TRPS1: variants seen among roughly 807,000 people sequenced by gnomAD.
The protein encoded by TRPS1 is transcriptional repressor GATA binding 1.
In TRPS1, 6 loss-of-function variants were observed where a neutral mutation model predicts 101.2. The observed-to-expected ratio is 0.06, with a 90% confidence interval of 0.03 to 0.12. The LOEUF is 0.12. TRPS1 is among the 10% of genes least tolerant of loss of function. The probability of loss-of-function intolerance (pLI) is 1.00; values close to 1 mark genes in which losing one functional copy is unlikely to be tolerated. For synonymous variants in TRPS1, 578 were observed against 589.8 expected (o/e 0.98, Z 0.29); for missense variants, 1,363 against 1,567.0 (o/e 0.87, Z 2.20).
At chr8:115,495,111 C>A (rs1815116468) in intron 5 of TRPS1, among the ~76,000 whole-genome samples, 1 of 152,044 alleles carries the variant, frequency 6.6e-6, no homozygotes, top group African/African-American at 2.4e-5. Flanking sequence ...GAGGATGTAC[C>A]ATGGCTACTT....
Position 115,476,005 on chromosome 8 carries a change from CTTTTTTTTTTTTTTT to C in TRPS1, c.2701-57568_2701-57554del, listed in dbSNP as rs1169514340. Among the ~76,000 whole-genome samples, 3 of 40,670 alleles carry C rather than the reference CTTTTTTTTTTTTTTT, an allele frequency of 7.4e-5. 1 individual carries two copies. The highest frequency in any genetic ancestry group is 4.8e-4 in the African/African-American group (2 of 4,132). 26.7% of individuals were successfully genotyped at this position (40,670 alleles called of 152,430 possible). ...AAGAGGTGTTCAGAAAATATACTTT[CTTTTTTTTTTTTTTT>C]TTTTTTTTTTTTTTTTGAGACGGAG... On this transcript the variant is annotated intron_variant, in intron 5 of 6. Coordinates refer to ENST00000395715, the MANE Select transcript of TRPS1 (RefSeq NM_014112.5).
intron 5 of TRPS1, among the ~76,000 whole-genome samples, chr8:115,548,272 G>A (rs1816624427): frequency 6.6e-6 from 1 of 151,926 alleles, no homozygotes; most frequent in Non-Finnish European, 1.5e-5. Context: ...AAGAAATCAA[G>A]TTTTAATTGT....
At chr8:115,614,296 C>T (rs1818232488) in intron 3 of TRPS1, among the ~76,000 whole-genome samples, 1 of 152,200 alleles carries the variant, frequency 6.6e-6, no homozygotes, top group Non-Finnish European at 1.5e-5. Context: ...TTCTCCTAAA[C>T]ATTCTGCATA....
intron 3 of TRPS1, among the ~76,000 whole-genome samples, chr8:115,605,652 T>C (rs531035603): frequency 6.6e-6 from 1 of 152,308 alleles, no homozygotes; most frequent in East Asian, 1.9e-4. Context: ...TTTTGAATGT[T>C]TCCCCATCTA....
intron 5 of TRPS1, among the ~76,000 whole-genome samples, chr8:115,494,974 T>A (rs1482078919): frequency 1.3e-5 from 2 of 152,244 alleles, no homozygotes; most frequent in Admixed American, 6.5e-5. Context: ...GACACAGCAG[T>A]GTATCTGATG....
chr8:115,667,859 G>T, intron 1 of TRPS1: 1 of 1,535,456 alleles, frequency 6.5e-7, no homozygotes, highest in South Asian at 1.2e-5. Context: ...ACCCTCCCGA[G>T]TTCGCCCAAC....
chr8:115,553,017 C>T (rs1816737950), intron 5 of TRPS1, among the ~76,000 whole-genome samples: 1 of 151,950 alleles, frequency 6.6e-6, no homozygotes, highest in African/African-American at 2.4e-5. Context: ...GATAAGGTGT[C>T]CAAGAGAATA....
chr8:115,507,916 T>C (rs1052956783), intron 5 of TRPS1, among the ~76,000 whole-genome samples: 8 of 152,074 alleles, frequency 5.3e-5, no homozygotes, highest in Non-Finnish European at 1.2e-4. Flanking sequence ...ATGATTGGTG[T>C]GCAGAGAAGA....
intron 1 of TRPS1, among the ~76,000 whole-genome samples, chr8:115,639,007 T>C (rs1818834544): frequency 6.6e-6 from 1 of 152,144 alleles, no homozygotes; most frequent in African/African-American, 2.4e-5. Context: ...GATGCCAGCA[T>C]CCATTGGGAG....
At chr8:115,530,945 G>T (rs1002418347) in intron 5 of TRPS1, among the ~76,000 whole-genome samples, 2 of 152,024 alleles carry the variant, frequency 1.3e-5, no homozygotes, top group African/African-American at 4.8e-5. Context: ...TGGGGGAAGG[G>T]GGGAGGGATA....
At chr8:115,490,554 G>A (rs1814995307) in intron 5 of TRPS1, among the ~76,000 whole-genome samples, 1 of 152,134 alleles carries the variant, frequency 6.6e-6, no homozygotes, top group Non-Finnish European at 1.5e-5. Context: ...ACTAGAAGCA[G>A]CTATAAACTT....
chr8:115,518,402 G>A (rs1416943203), intron 5 of TRPS1, among the ~76,000 whole-genome samples: 1 of 151,662 alleles, frequency 6.6e-6, no homozygotes, highest in Non-Finnish European at 1.5e-5. Context: ...ATACAAAAAT[G>A]TGAGAGAAAA....
intron 5 of TRPS1, among the ~76,000 whole-genome samples, chr8:115,424,195 G>A (rs368002764): frequency 2.2e-4 from 34 of 152,146 alleles, no homozygotes; most frequent in East Asian, 9.6e-4. Context: ...ATTTTAAATC[G>A]AATCAATCTG....
intron 5 of TRPS1, among the ~76,000 whole-genome samples, chr8:115,583,638 T>G (rs1452188544): frequency 1.3e-5 from 2 of 151,996 alleles, no homozygotes; most frequent in East Asian, 3.9e-4. Context: ...TCAAAAATTT[T>G]GTAGAAATAT....
intron 5 of TRPS1, among the ~76,000 whole-genome samples, chr8:115,472,386 A>C (rs929186006): frequency 1.3e-5 from 2 of 152,190 alleles, no homozygotes; most frequent in Non-Finnish European, 2.9e-5. Context: ...CAGGTCAGCA[A>C]GTCTTGAGAC....
At chr8:115,634,148 T>C (rs952826552) in intron 1 of TRPS1, among the ~76,000 whole-genome samples, 2 of 152,226 alleles carry the variant, frequency 1.3e-5, no homozygotes, top group Non-Finnish European at 2.9e-5. Flanking sequence ...CACATTTTAT[T>C]GCACATAATT....
chr8:115,599,708 T>C (rs1817867310), intron 4 of TRPS1, among the ~76,000 whole-genome samples: 2 of 152,228 alleles, frequency 1.3e-5, no homozygotes, highest in Non-Finnish European at 2.9e-5. Flanking sequence ...CCGTGGTGTA[T>C]ATGTGCCACA....
chr8:115,624,957 T>C (rs1818473673), intron 1 of TRPS1, among the ~76,000 whole-genome samples: 1 of 151,682 alleles, frequency 6.6e-6, no homozygotes, highest in Non-Finnish European at 1.5e-5. Context: ...ATATATTATA[T>C]ATAAATATAT....
intron 1 of TRPS1, among the ~76,000 whole-genome samples, chr8:115,647,209 T>G (rs1811430808): frequency 1.3e-5 from 2 of 152,170 alleles, no homozygotes; most frequent in South Asian, 4.1e-4. Context: ...AAATATCTCT[T>G]GTGGAAAAAT....
Sources: allele counts gnomAD v4.1 joint callset (sites outside exome capture counted in the v4.1 genomes callset), GRCh38; gene constraint gnomAD v4.1.1; transcripts MANE v1.5; gene names NCBI Gene and HGNC (gene_info 2026-07-23, HGNC 2026-07-21).